The following ING4 variants were observed in gnomAD, a reference collection of about 807,000 sequenced individuals.
The protein encoded by ING4 is inhibitor of growth family member 4.
ING4 carries 28 observed loss-of-function variants against 33.1 expected under a neutral mutation model. The observed-to-expected ratio is 0.85, with a 90% CI of 0.63 to 1.16. The LOEUF is 1.16. ING4 is among the 50% of genes most tolerant of loss of function. ING4 has a pLI of 0.00. For synonymous variants in ING4, 87 were observed against 104.4 expected (o/e 0.83, Z 1.02); for missense variants, 247 against 314.7 (o/e 0.78, Z 1.63).
At chr12:6,652,106 C>T (rs7316048) in intron 6 of ING4, among the ~76,000 whole-genome samples, 165 bp downstream of exon 6, 2,543 of 151,946 alleles carry the variant, frequency 0.017, 69 homozygotes, top group African/African-American at 0.057. Flanking sequence ...GTGATCTGCC[C>T]GCCTCAGCCT....
chr12:6,656,919 C>G (rs1949371583), intron 1 of ING4, 121 bp from the exon 2 acceptor site: 2 of 587,402 alleles, frequency 3.4e-6, no homozygotes, highest in Admixed American at 3.6e-5. Flanking sequence ...TTTGGGAGGC[C>G]AAGGGGGTGG....
intron 1 of ING4, among the ~76,000 whole-genome samples, chr12:6,661,730 T>C (rs925907864): frequency 6.6e-6 from 1 of 152,004 alleles, no homozygotes; most frequent in South Asian, 2.1e-4. Context: ...CCAGCCTGTC[T>C]ACCTCACTTT....
At chr12:6,652,570 T>C (rs1478635027) in intron 5 of ING4, 92 bp downstream of exon 5, 10 of 1,390,942 alleles carry the variant, frequency 7.2e-6, no homozygotes, top group Non-Finnish European at 8.1e-6. Context: ...GGCGCAGACA[T>C]ATAGAAAGCG....
chr12:6,657,464 C>G (rs1359199953), intron 1 of ING4, among the ~76,000 whole-genome samples: 1 of 151,826 alleles, frequency 6.6e-6, no homozygotes, highest in Non-Finnish European at 1.5e-5. Flanking sequence ...AACAAACAAA[C>G]AAACAAAAAA....
chr12:6,663,103 T>C lies in ING4; in HGVS notation c.-2A>G. ...TTCCAAATACATCCCCGCAGCCATC[T>C]CGAAGCAAAACAAAGCAACTTCCGA... On this transcript the variant is annotated 5_prime_UTR_variant, in exon 1 of 8. Transcript: ENST00000341550. 1.2e-6 allele frequency: 2 copies of C among 1,614,164 alleles called. No individual in the cohort carries two copies. The highest frequency in any genetic ancestry group is 1.7e-6 in the Non-Finnish European group (2 of 1,180,032).
At position 6,653,356 on chromosome 12, in the gene ING4, C is replaced by CAT. The variant is rs1175640939; in HGVS notation, c.148_149dup (p.Met50IlefsTer2). On this transcript the variant is annotated frameshift_variant, in exon 3 of 8. Transcript: ENST00000341550. LOFTEE classifies it high-confidence loss of function. ...CGGAGCTCAGGCTGCGGGCACTACT[C>CAT]ATATACTCAGTGGCCAACTTGTCAA... 6.2e-7 allele frequency: 1 copy of CAT among 1,614,088 alleles called. No individual in the cohort carries two copies.
In ING4 at chr12:6,652,783, G is replaced by C. The variant is rs769827276; in HGVS notation, c.392-16C>G. On this transcript the variant is annotated splice_polypyrimidine_tract_variant and intron_variant, in intron 4 of 7. Coordinates refer to ENST00000341550, the MANE Select transcript of ING4 (RefSeq NM_016162.4). ...TGAGTCCGGCCTTCTAGGGAAGAGGGAGAAAGCCAGAAGGCAGGGAGACAG... is the reference window on the plus strand; with the variant it reads ...TGAGTCCGGCCTTCTAGGGAAGAGGCAGAAAGCCAGAAGGCAGGGAGACAG... 8 of 1,611,950 alleles carry C rather than the reference G, an allele frequency of 5.0e-6. No homozygotes were observed. The highest frequency in any genetic ancestry group is 6.8e-6 in the Non-Finnish European group (8 of 1,178,308).
At position 6,662,226 on chromosome 12, in the gene ING4, G is replaced by C. The variant is rs1352745593; in HGVS notation, c.37+839C>G. The stretch of plus-strand genomic sequence containing the variant: ...AAGACCCTATTCAAACATCACCTCC[G>C]CTGTAAAGCTTTTCCTACATCCCCA... On this transcript the variant is annotated intron_variant, in intron 1 of 7. Transcript: ENST00000341550. Among the ~76,000 whole-genome samples, 3 of 151,978 alleles carry C rather than the reference G, an allele frequency of 2.0e-5. No homozygotes were observed. The East Asian group carries it at 5.8e-4, about 29-fold the overall frequency.
intron 1 of ING4, among the ~76,000 whole-genome samples, chr12:6,662,316 C>T (rs764668745): frequency 1.3e-5 from 2 of 152,180 alleles, no homozygotes; most frequent in Non-Finnish European, 2.9e-5. Flanking sequence ...TTTCCATTAT[C>T]TCACTTGTCA....
intron 2 of ING4, chr12:6,655,614 C>T (rs1343838605): frequency 1.8e-6 from 2 of 1,127,420 alleles, no homozygotes; most frequent in Non-Finnish European, 1.1e-6. Flanking sequence ...AACTGTATTA[C>T]AAAAAAAGCA....
chr12:6,651,733 G>C (rs1019234180), intron 6 of ING4, among the ~76,000 whole-genome samples: 3 of 151,996 alleles, frequency 2.0e-5, no homozygotes, highest in South Asian at 2.1e-4. Flanking sequence ...GTGGAGACGG[G>C]GTTTCACCGT....
intron 1 of ING4, among the ~76,000 whole-genome samples, chr12:6,659,249 T>G (rs1949467157): frequency 6.6e-6 from 1 of 151,898 alleles, no homozygotes; most frequent in Admixed American, 6.6e-5. Context: ...CAAAACCCCA[T>G]CTCTACTAAA....
intron 1 of ING4, 74 bp downstream of exon 1, chr12:6,662,991 G>A: frequency 3.2e-5 from 48 of 1,487,236 alleles, no homozygotes; most frequent in Non-Finnish European, 4.3e-5. Flanking sequence ...TGGAACTTAA[G>A]GGCTACAGAT....
chr12:6,657,103 G>A (rs1438717354), intron 1 of ING4, among the ~76,000 whole-genome samples: 3 of 151,956 alleles, frequency 2.0e-5, no homozygotes, highest in African/African-American at 7.3e-5. Context: ...GCAGTGAGCC[G>A]TGATTGAGCC....
At chr12:6,654,384 G>C (rs943290617) in intron 2 of ING4, among the ~76,000 whole-genome samples, 2 of 150,090 alleles carry the variant, frequency 1.3e-5, no homozygotes, top group African/African-American at 4.9e-5. Context: ...GTTGGATGGA[G>C]TGCAGTGGCA....
Position 6,653,275 on chromosome 12 carries a change from T to C in ING4, c.231A>G (p.Glu77=). The change falls in exon 3 of 8, where the codon GAA becomes GAG. Residue 77 remains glutamate, a synonymous_variant. Transcript: ENST00000341550. The part of the protein sequence containing the change: ...QIQEAYGKCK[E]FGDDKVQLAM... Reference sequence around the variant, plus strand: ...CAAGCTGCACCTTGTCGTCACCAAATTCCTTGCACTTGCCATAGGCTTCCT... The same window carrying C: ...CAAGCTGCACCTTGTCGTCACCAAACTCCTTGCACTTGCCATAGGCTTCCT... 6.2e-7 allele frequency: 1 copy of C among 1,614,148 alleles called. No homozygotes were observed. Among genetic ancestry groups the C allele is most frequent in the East Asian group, 2.2e-5 (1 of 44,870 alleles).
intron 1 of ING4, among the ~76,000 whole-genome samples, chr12:6,661,243 G>A (rs1234071051): frequency 2.0e-5 from 3 of 149,354 alleles, no homozygotes; most frequent in Admixed American, 6.7e-5. Context: ...GACTACAGGG[G>A]CACACCACCA....
intron 1 of ING4, 142 bp downstream of exon 1, chr12:6,662,923 C>G: frequency 1.1e-6 from 1 of 897,388 alleles, no homozygotes; most frequent in Non-Finnish European, 1.7e-6. Flanking sequence ...CCTCTTTCTC[C>G]GCACCCTCCA....
At chr12:6,653,429 C>A in intron 2 of ING4, 33 bp from the exon 3 acceptor site, 3 of 1,595,696 alleles carry the variant, frequency 1.9e-6, no homozygotes, top group South Asian at 1.1e-5. Flanking sequence ...GTCACAATGG[C>A]CCCTGAGTGG....
Sources: allele counts gnomAD v4.1 joint callset (sites outside exome capture counted in the v4.1 genomes callset), GRCh38; gene constraint gnomAD v4.1.1; transcripts MANE v1.5; gene names NCBI Gene and HGNC (gene_info 2026-07-23, HGNC 2026-07-21).